Variants in LYRM4 observed in about 807,000 individuals in gnomAD.
The protein encoded by LYRM4 is LYR motif-containing protein 4.
In LYRM4, 9 loss-of-function variants were observed where a neutral mutation model predicts 11.7. The ratio of observed to expected loss-of-function variants is 0.77; its 90% CI spans 0.46 to 1.34. The LOEUF is 1.34. Ranked by LOEUF, LYRM4 falls within the 40% of genes most tolerant of loss-of-function variation. LYRM4 has a pLI of 0.00. For missense variants in LYRM4, 133 were observed against 112.5 expected, an observed-to-expected ratio of 1.18 and a Z score of -0.82; for synonymous variants, 42 against 40.4, an observed-to-expected ratio of 1.04 and a Z score of -0.15.
chr6:5,041,211 G>C, the LYRM4 span, among the ~76,000 whole-genome samples: 1 of 78,180 alleles, frequency 1.3e-5, no homozygotes, highest in African/African-American at 2.8e-5. Context: ...ACAAAGGAGT[G>C]ACAAACTTAT....
rs200168631 is a variant in LYRM4 at position 5,139,843 on chromosome 6, C to CTT, written c.208-30354_208-30353dup. Among the ~76,000 whole-genome samples, 206 of 142,236 alleles carry CTT rather than the reference C, an allele frequency of 1.4e-3. 4 individuals carry two copies. The East Asian group carries it at 0.029, about 20-fold the overall frequency. 93.3% of individuals were successfully genotyped at this position (142,236 alleles called of 152,430 possible). A position where few individuals can be genotyped will look rare whatever the true frequency, so the allele number is the denominator to read the frequency against. ...ATGCCTGTGACCCCAGCACTTTTTT[C>CTT]TTTTTTTTTTTTGAGACAGGGTCTT... On this transcript the variant is annotated intron_variant, in intron 2 of 2. Coordinates refer to ENST00000330636, the MANE Select transcript of LYRM4 (RefSeq NM_020408.6).
the LYRM4 span, chr6:5,086,061 G>C: frequency 6.8e-7 from 1 of 1,475,662 alleles, no homozygotes; most frequent in Non-Finnish European, 8.9e-7. Context: ...CCCTTTCAGC[G>C]CCGCCTTCCC....
chr6:5,237,562 C>A (rs1307581944), intron 1 of LYRM4, among the ~76,000 whole-genome samples: 1 of 152,062 alleles, frequency 6.6e-6, no homozygotes, highest in African/African-American at 2.4e-5. Flanking sequence ...AACCCCAGTC[C>A]GTGGAATAAT....
chr6:5,197,766 T>C (rs976307831), intron 2 of LYRM4, among the ~76,000 whole-genome samples: 2 of 152,308 alleles, frequency 1.3e-5, no homozygotes, highest in South Asian at 2.1e-4. Context: ...CGAATTTATT[T>C]CAAATAGATA....
chr6:5,248,910 T>C (rs571257890), intron 1 of LYRM4, among the ~76,000 whole-genome samples: 6 of 152,352 alleles, frequency 3.9e-5, no homozygotes, highest in Admixed American at 2.6e-4. Flanking sequence ...CAATAAATGT[T>C]TGCTGAATGA....
chr6:5,093,993 T>C, the LYRM4 span, among the ~76,000 whole-genome samples: 1 of 152,144 alleles, frequency 6.6e-6, no homozygotes, highest in Non-Finnish European at 1.5e-5. Context: ...CCCGACTAGG[T>C]TGGTTCTTGG....
chr6:5,244,544 C>T (rs1486688489), intron 1 of LYRM4, among the ~76,000 whole-genome samples: 1 of 152,138 alleles, frequency 6.6e-6, no homozygotes, highest in African/African-American at 2.4e-5. Flanking sequence ...AGAAGAGAGA[C>T]TCCTCTCTGG....
At chr6:5,195,074 C>T (rs1402979400) in intron 2 of LYRM4, among the ~76,000 whole-genome samples, 5 of 152,192 alleles carry the variant, frequency 3.3e-5, no homozygotes, top group South Asian at 4.1e-4. Flanking sequence ...TCCTGTACCA[C>T]TAAATTGTGC....
At chr6:5,250,825 A>G (rs1373205126) in intron 1 of LYRM4, among the ~76,000 whole-genome samples, 4 of 152,260 alleles carry the variant, frequency 2.6e-5, no homozygotes, top group African/African-American at 9.6e-5. Context: ...TGGTATAATA[A>G]AAGAGTGAAA....
At chr6:5,207,693 T>G (rs1196631573) in intron 2 of LYRM4, among the ~76,000 whole-genome samples, 1 of 152,226 alleles carries the variant, frequency 6.6e-6, no homozygotes, top group Non-Finnish European at 1.5e-5. Context: ...AAATACTTCT[T>G]AAATAAGGTG....
At chr6:5,041,115 A>G in the LYRM4 span, among the ~76,000 whole-genome samples, 1 of 152,054 alleles carries the variant, frequency 6.6e-6, no homozygotes, top group Admixed American at 6.6e-5. Context: ...CAGTGAGTGG[A>G]GATCACTCCA....
chr6:5,162,847 T>A (rs1011448440), intron 2 of LYRM4, among the ~76,000 whole-genome samples: 1 of 152,232 alleles, frequency 6.6e-6, no homozygotes, highest in African/African-American at 2.4e-5. Context: ...AAAGGGAAAC[T>A]GATAACAATA....
chr6:5,177,207 A>C (rs1032928712), intron 2 of LYRM4, among the ~76,000 whole-genome samples: 1 of 152,240 alleles, frequency 6.6e-6, no homozygotes, highest in African/African-American at 2.4e-5. Flanking sequence ...CACTGCTGAA[A>C]TCACAGGTGA....
the LYRM4 span, among the ~76,000 whole-genome samples, chr6:5,057,547 A>G: frequency 0.018 from 2,678 of 151,916 alleles, 27 homozygotes; most frequent in South Asian, 0.048. Flanking sequence ...TGAAACCCCC[A>G]TCTCTACTAA....
the LYRM4 span, among the ~76,000 whole-genome samples, chr6:5,090,703 T>C: frequency 2.0e-5 from 3 of 152,242 alleles, no homozygotes; most frequent in African/African-American, 7.2e-5. This position sits in a 1 kb window ranked among gnomAD's most constrained non-coding sequence, Gnocchi z 4.8. Context: ...CCTGGAATGC[T>C]GTGGCTCTTG....
chr6:5,081,770 A>G, the LYRM4 span, among the ~76,000 whole-genome samples: 1 of 152,196 alleles, frequency 6.6e-6, no homozygotes. Flanking sequence ...GTCCCTTTTG[A>G]TCACACCTGA....
At chr6:5,044,382 C>T in the LYRM4 span, among the ~76,000 whole-genome samples, 27 of 152,152 alleles carry the variant, frequency 1.8e-4, no homozygotes, top group Admixed American at 7.2e-4. Flanking sequence ...CTGCCCGCCT[C>T]GGCCTCCCAA....
At chr6:5,147,688 T>G (rs1277294155) in intron 2 of LYRM4, among the ~76,000 whole-genome samples, 9 of 152,228 alleles carry the variant, frequency 5.9e-5, no homozygotes, top group Admixed American at 4.6e-4. Flanking sequence ...TCAGAAAATA[T>G]TTCCATGTAG....
At chr6:5,074,531 T>C in the LYRM4 span, among the ~76,000 whole-genome samples, 3 of 150,498 alleles carry the variant, frequency 2.0e-5, no homozygotes. Flanking sequence ...GCAAGAGAAC[T>C]AGAATTCTGA....
Sources: allele counts gnomAD v4.1 joint callset (sites outside exome capture counted in the v4.1 genomes callset), GRCh38; gene constraint gnomAD v4.1.1; non-coding constraint Gnocchi (gnomAD v3.1); transcripts MANE v1.5; gene names NCBI Gene and HGNC (gene_info 2026-07-23, HGNC 2026-07-21).